Variants in COLGALT2 observed in about 807,000 individuals in gnomAD.
The protein encoded by COLGALT2 is collagen beta(1-O)galactosyltransferase 2, also known as procollagen galactosyltransferase 2.
COLGALT2 carries 49 observed loss-of-function variants against 73.4 expected under a neutral mutation model. The ratio of observed to expected loss-of-function variants is 0.67; its 90% CI spans 0.53 to 0.85. The LOEUF (loss-of-function observed/expected upper bound fraction) is 0.85. COLGALT2 is among the 40% of genes least tolerant of loss of function. The pLI is 0.00. For missense variants in COLGALT2, 722 were observed against 790.2 expected (o/e 0.91, Z 1.03); for synonymous variants, 295 against 307.6 (o/e 0.96, Z 0.43).
chr1:184,014,386 AG>A (rs1306667198), intron 1 of COLGALT2, among the ~76,000 whole-genome samples: 4 of 152,218 alleles, frequency 2.6e-5, no homozygotes, highest in Admixed American at 6.5e-5. Context: ...GGGACTGAAG[AG>A]AAAGTGAAGT....
chr1:183,931,656 A>G (rs1669845452), downstream of COLGALT2, among the ~76,000 whole-genome samples: 2 of 152,170 alleles, frequency 1.3e-5, no homozygotes, highest in Non-Finnish European at 2.9e-5. Context: ...TAAGCCAGTT[A>G]TCAGTATCCA....
At chr1:183,969,833 G>A (rs757367855) in intron 4 of COLGALT2, among the ~76,000 whole-genome samples, 5 of 152,194 alleles carry the variant, frequency 3.3e-5, no homozygotes, top group African/African-American at 1.2e-4. Context: ...CAGACTCCCT[G>A]AGTTCAAATC....
chr1:183,986,137 C>G (rs10797927), intron 1 of COLGALT2, among the ~76,000 whole-genome samples: 28,720 of 152,104 alleles, frequency 0.19, 3,000 homozygotes, highest in East Asian at 0.41. Flanking sequence ...ATTGATTCTT[C>G]TTTCTTGGTT....
intron 1 of COLGALT2, among the ~76,000 whole-genome samples, chr1:183,980,350 C>A (rs1671316280): frequency 6.6e-6 from 1 of 151,732 alleles, no homozygotes; most frequent in Non-Finnish European, 1.5e-5. Context: ...CTACCTAAGA[C>A]AAACAAATAT....
intron 1 of COLGALT2, among the ~76,000 whole-genome samples, chr1:184,003,223 C>T (rs922814501): frequency 2.6e-5 from 4 of 152,138 alleles, no homozygotes; most frequent in African/African-American, 9.7e-5. Context: ...GGGATTAGGT[C>T]CCCTCCTCTT....
chr1:184,013,753 G>GC (rs1465118775), intron 1 of COLGALT2, among the ~76,000 whole-genome samples: 1 of 151,924 alleles, frequency 6.6e-6, no homozygotes, highest in East Asian at 1.9e-4. Context: ...TGGGAGGGGG[G>GC]GTAAAACAGA....
rs1271766299 is a variant in COLGALT2 at position 183,938,212 on chromosome 1, A to ATTTTT, written c.*548_*549insAAAAA. 2.1e-4 allele frequency: 109 copies of ATTTTT among 525,420 alleles called. No individual in the cohort carries two copies. The highest frequency in any genetic ancestry group is 1.0e-3 in the Admixed American group (16 of 15,804). The allele number at this position is 525,420 out of a possible 1,614,324, so 32.5% of individuals were successfully genotyped here. A position where few individuals can be genotyped will look rare whatever the true frequency, so the allele number is the denominator to read the frequency against. On this transcript the variant is annotated 3_prime_UTR_variant, in exon 12 of 12. Coordinates refer to ENST00000361927, the MANE Select transcript of COLGALT2 (RefSeq NM_015101.4). ...AGGGACTAAGATTTTTTTTTTTTAA[A>ATTTTT]AAATCTACTTTTCAATAAGACTTGT...
chr1:184,001,249 TC>T (rs1226231556), intron 1 of COLGALT2, among the ~76,000 whole-genome samples: 15 of 152,162 alleles, frequency 9.9e-5, no homozygotes. Context: ...TTAAAGGTCT[TC>T]TACTTTTTTA....
intron 11 of COLGALT2, chr1:183,930,411 T>C (rs1669817157): frequency 2.5e-6 from 1 of 399,000 alleles, no homozygotes; most frequent in Admixed American, 2.8e-5. Context: ...ATTTTATTTT[T>C]TGGACAGGGT....
At chr1:184,020,146 CG>C (rs902788053) in intron 1 of COLGALT2, among the ~76,000 whole-genome samples, 8 of 152,094 alleles carry the variant, frequency 5.3e-5, no homozygotes, top group African/African-American at 1.9e-4. Context: ...CCCCTGCCCC[CG>C]AATCCTATTA....
intron 6 of COLGALT2, among the ~76,000 whole-genome samples, chr1:183,958,055 G>A (rs570589943): frequency 6.6e-6 from 1 of 152,152 alleles, no homozygotes; most frequent in Admixed American, 6.5e-5. Flanking sequence ...ATCTTTATAA[G>A]ATCTGGCCTC....
downstream of COLGALT2, among the ~76,000 whole-genome samples, chr1:183,934,467 T>C (rs1401885050): frequency 2.6e-5 from 4 of 152,172 alleles, no homozygotes; most frequent in Non-Finnish European, 5.9e-5. Flanking sequence ...CCTGAAATAA[T>C]AAACATCACC....
chr1:183,931,796 T>TA (rs760880492), downstream of COLGALT2, among the ~76,000 whole-genome samples: 35,806 of 130,206 alleles, frequency 0.27, 4,750 homozygotes, highest in Non-Finnish European at 0.31. Context: ...TGCAGCAAGT[T>TA]AAAAAAAAAA....
chr1:183,930,255 T>C (rs1669812201), exon 12 of COLGALT2: 2 of 455,994 alleles, frequency 4.4e-6, no homozygotes, highest in African/African-American at 4.0e-5. Flanking sequence ...TCAGAAAGTG[T>C]TTGGAAGAGA....
At chr1:184,017,047 G>A (rs750863838) in intron 1 of COLGALT2, among the ~76,000 whole-genome samples, 10 of 152,076 alleles carry the variant, frequency 6.6e-5, no homozygotes, top group Non-Finnish European at 1.5e-4. Context: ...AAATGGAACC[G>A]CCAAACTTTG....
At position 184,024,342 on chromosome 1, in the gene COLGALT2, T is replaced by G. The variant is rs917680235; in HGVS notation, c.263+12753A>C. Among the ~76,000 whole-genome samples the G allele has an allele frequency of 4.0e-5, 6 of 151,596 alleles. No homozygotes were observed. The South Asian group carries it at 8.3e-4, about 21-fold the overall frequency. Reference sequence around the variant, plus strand: ...GGAATGTTGCTGAATACCTTTCAGCTTTTTTCTTTTTCTTTTTCTTTTTTT... The same window carrying G: ...GGAATGTTGCTGAATACCTTTCAGCGTTTTTCTTTTTCTTTTTCTTTTTTT... On this transcript the variant is annotated intron_variant, in intron 1 of 11. Coordinates refer to ENST00000361927, the MANE Select transcript of COLGALT2 (RefSeq NM_015101.4).
intron 10 of COLGALT2, among the ~76,000 whole-genome samples, chr1:183,942,200 G>A (rs372098252): frequency 2.0e-5 from 3 of 151,892 alleles, no homozygotes; most frequent in South Asian, 2.1e-4. Flanking sequence ...CACCCGCCTC[G>A]GCCTCCCAAA....
chr1:183,964,893 T>C (rs139659233), intron 5 of COLGALT2, among the ~76,000 whole-genome samples: 16 of 152,326 alleles, frequency 1.1e-4, no homozygotes, highest in African/African-American at 3.4e-4. Flanking sequence ...CTGGTCCATG[T>C]ATCCAAGCCT....
intron 1 of COLGALT2, among the ~76,000 whole-genome samples, chr1:184,004,206 A>G (rs1233256644): frequency 6.6e-6 from 1 of 152,190 alleles, no homozygotes; most frequent in Non-Finnish European, 1.5e-5. Context: ...AGGCTAAATG[A>G]GAACCTAAGA....
Sources: allele counts gnomAD v4.1 joint callset (sites outside exome capture counted in the v4.1 genomes callset), GRCh38; gene constraint gnomAD v4.1.1; transcripts MANE v1.5; gene names NCBI Gene and HGNC (gene_info 2026-07-23, HGNC 2026-07-21).